The following ARHGAP44 variants were observed in gnomAD, a reference collection of about 807,000 sequenced individuals.
ARHGAP44 encodes rho GTPase-activating protein 44.
ARHGAP44 carries 43 observed loss-of-function variants against 106.8 expected under a neutral mutation model. The observed-to-expected ratio is 0.40, with a 90% CI of 0.32 to 0.52. The LOEUF (loss-of-function observed/expected upper bound fraction) is 0.52. Among genes scored for constraint, ARHGAP44 ranks in the 20% least tolerant of loss-of-function variants. The pLI, the probability that ARHGAP44 is intolerant of heterozygous loss-of-function variation, is 0.48. For synonymous variants in ARHGAP44, 439 were observed against 410.3 expected (o/e 1.07, Z -0.85); for missense variants, 866 against 1,050.5 (o/e 0.82, Z 2.43).
chr17:12,943,024 A>G (rs2038749310), intron 8 of ARHGAP44, among the ~76,000 whole-genome samples: 1 of 152,240 alleles, frequency 6.6e-6, no homozygotes, highest in Non-Finnish European at 1.5e-5. Flanking sequence ...AATGACATTT[A>G]AGTCGTACAT....
At chr17:12,984,446 C>A in intron 19 of ARHGAP44, 85 bp from the exon 20 acceptor site, 1 of 1,435,742 alleles carries the variant, frequency 7.0e-7, no homozygotes, top group Non-Finnish European at 9.2e-7. Context: ...CAGCTTTGAA[C>A]GCTGAAGGGT....
intron 1 of ARHGAP44, among the ~76,000 whole-genome samples, chr17:12,845,942 G>C (rs909636310): frequency 2.0e-5 from 3 of 152,122 alleles, no homozygotes; most frequent in African/African-American, 7.2e-5. Context: ...GGTTCCATTG[G>C]TGGTAGGAAG....
intron 1 of ARHGAP44, among the ~76,000 whole-genome samples, chr17:12,826,750 ATTC>A (rs1202830894): frequency 6.6e-6 from 1 of 152,070 alleles, no homozygotes; most frequent in Non-Finnish European, 1.5e-5. Flanking sequence ...GATTCTCTTG[ATTC>A]TTCTTATGAT....
At chr17:12,845,748 G>A (rs1164154799) in intron 1 of ARHGAP44, among the ~76,000 whole-genome samples, 1 of 152,098 alleles carries the variant, frequency 6.6e-6, no homozygotes, top group Non-Finnish European at 1.5e-5. Flanking sequence ...CCCACCATTT[G>A]TGACATTTTA....
chr17:12,808,897 C>A (rs955741107), intron 1 of ARHGAP44, among the ~76,000 whole-genome samples: 1 of 152,200 alleles, frequency 6.6e-6, no homozygotes, highest in Non-Finnish European at 1.5e-5. Context: ...ACGTAAGTTT[C>A]AATTCCAAAC....
At chr17:12,880,901 A>G (rs12601853) in intron 1 of ARHGAP44, among the ~76,000 whole-genome samples, 74,198 of 151,966 alleles carry the variant, frequency 0.49, 19,214 homozygotes, top group East Asian at 0.58. Context: ...CACCAATTGG[A>G]ATTGTCAGAC....
intron 1 of ARHGAP44, among the ~76,000 whole-genome samples, chr17:12,810,235 AAAAC>A (rs2034397220): frequency 6.6e-6 from 1 of 152,244 alleles, no homozygotes; most frequent in Admixed American, 6.5e-5. Flanking sequence ...TGGGTGGCTT[AAAAC>A]AAACAGAAGT....
chr17:12,975,654 T>C (rs997270284), intron 18 of ARHGAP44, among the ~76,000 whole-genome samples: 4 of 151,526 alleles, frequency 2.6e-5, no homozygotes, highest in Admixed American at 6.6e-5. Flanking sequence ...AAAAATTAGC[T>C]GGGCGTGGTG....
intron 17 of ARHGAP44, chr17:12,973,785 G>T: frequency 1.9e-6 from 1 of 538,504 alleles, no homozygotes; most frequent in Non-Finnish European, 3.3e-6. Context: ...ATCATCCTGA[G>T]CTGGCTTTGG....
chr17:12,833,138 G>A (rs191297112), intron 1 of ARHGAP44, among the ~76,000 whole-genome samples: 1 of 152,200 alleles, frequency 6.6e-6, no homozygotes, highest in African/African-American at 2.4e-5. Context: ...CTGTTTCTCT[G>A]TTTTGTCGGA....
intron 1 of ARHGAP44, among the ~76,000 whole-genome samples, chr17:12,794,872 A>G (rs1396443613): frequency 1.3e-5 from 2 of 152,206 alleles, no homozygotes; most frequent in African/African-American, 4.8e-5. Flanking sequence ...CTGGTGCTGC[A>G]GACATTTTTG....
At chr17:12,908,585 T>C (rs928942940) in intron 3 of ARHGAP44, among the ~76,000 whole-genome samples, 1 of 152,174 alleles carries the variant, frequency 6.6e-6, no homozygotes, top group African/African-American at 2.4e-5. Context: ...GCTCAAATCT[T>C]TGTTAACATC....
intron 1 of ARHGAP44, among the ~76,000 whole-genome samples, chr17:12,846,559 C>T (rs1212288324): frequency 6.6e-6 from 1 of 152,154 alleles, no homozygotes; most frequent in Non-Finnish European, 1.5e-5. Context: ...TTTAACTAGT[C>T]CCCTATGGAA....
chr17:12,915,230 G>A (rs2150949178), intron 4 of ARHGAP44, among the ~76,000 whole-genome samples: 1 of 152,262 alleles, frequency 6.6e-6, no homozygotes, highest in Non-Finnish European at 1.5e-5. Flanking sequence ...GTAGAGGCGG[G>A]GTTTCACCAT....
chr17:12,891,587 C>G (rs1373234525), intron 1 of ARHGAP44, among the ~76,000 whole-genome samples: 1 of 152,154 alleles, frequency 6.6e-6, no homozygotes, highest in Non-Finnish European at 1.5e-5. Flanking sequence ...TAGGCTTCAC[C>G]TTTCAGCACT....
chr17:12,958,864 A>G lies in ARHGAP44; in HGVS notation c.1490A>G (p.Asp497Gly). 1 of 1,611,152 alleles carries G rather than the reference A, an allele frequency of 6.2e-7. No individual in the cohort carries two copies. The highest frequency in any genetic ancestry group is 8.5e-7 in the Non-Finnish European group (1 of 1,178,654). The change falls in exon 16 of 21, where the codon GAT becomes GGT. Residue 497 changes from aspartate (D) to glycine (G), a missense_variant. Physicochemically the swap from Asp to Gly is moderately conservative, Grantham distance 94. Around this residue, in one of 2 missense-constraint regions of ARHGAP44, gnomAD observed 448 missense variants for 646.9 expected, o/e 0.69. Transcript: ENST00000379672. The surrounding 1 kb of genome is among the most constrained non-coding windows in gnomAD (Gnocchi z 4.1). ...CGCCGGCCCCTCAGCGTCGCCACGGATAATATGATGCTGGAGTTTTACAAA... is the reference window on the plus strand; with the variant it reads ...CGCCGGCCCCTCAGCGTCGCCACGGGTAATATGATGCTGGAGTTTTACAAA... ...QARRPLSVAT[D>G]NMMLEFYKKD...
chr17:12,984,861 A>T lies in ARHGAP44; in HGVS notation c.2270A>T (p.Glu757Val). 1 of 1,613,944 alleles carries T rather than the reference A, an allele frequency of 6.2e-7. No homozygotes were observed. Among genetic ancestry groups the T allele is most frequent in the South Asian group, 1.1e-5 (1 of 91,080 alleles). ...NLSASSPQST[E>V]APMLDGMSPG... ...TCGGCCTCTAGTCCACAGTCCACGG[A>T]GGCCCCCATGCTAGATGGCATGTCC... The change falls in exon 20 of 21, where the codon GAG (glutamate) becomes GTG (valine). Residue 757 changes from glutamate (E) to valine (V), a missense_variant. By Grantham distance (121) the Glu-to-Val change is moderately radical. Transcript: ENST00000379672.
At chr17:12,889,468 G>A (rs561149822) in intron 1 of ARHGAP44, among the ~76,000 whole-genome samples, 3 of 152,260 alleles carry the variant, frequency 2.0e-5, no homozygotes, top group Admixed American at 2.0e-4. Context: ...ACCCACATCT[G>A]TGACAATGAA....
intron 1 of ARHGAP44, among the ~76,000 whole-genome samples, chr17:12,860,621 A>T (rs2036042055): frequency 1.3e-5 from 2 of 152,116 alleles, no homozygotes; most frequent in South Asian, 4.2e-4. Flanking sequence ...CCTCATATAG[A>T]TTGGATATCT....
Sources: gnomAD v4.1 joint callset for allele counts (sites outside exome capture counted in the v4.1 genomes callset) on GRCh38, gnomAD v4.1.1 for gene constraint, gnomAD v4.1.1 regional missense constraint, Gnocchi (gnomAD v3.1) non-coding constraint, MANE v1.5 for transcripts, NCBI Gene and HGNC (gene_info 2026-07-23, HGNC 2026-07-21) for gene names.